Variants in PCDH9 observed in about 807,000 individuals in gnomAD.
PCDH9 encodes the protein protocadherin-9.
A neutral mutation model predicts 70.6 loss-of-function variants in PCDH9; 24 were observed. The ratio of observed to expected loss-of-function variants is 0.34; its 90% confidence interval spans 0.25 to 0.48. The LOEUF (loss-of-function observed/expected upper bound fraction) is 0.48. Ranked by LOEUF, PCDH9 falls within the 20% of genes least tolerant of loss-of-function variation. The pLI, the probability that PCDH9 is intolerant of heterozygous loss-of-function variation, is 0.99. For missense variants in PCDH9, 1,281 were observed against 1,503.6 expected, an observed-to-expected ratio of 0.85 and a Z score of 2.45; for synonymous variants, 562 against 558.5, an observed-to-expected ratio of 1.01 and a Z score of -0.09.
At chr13:66,804,304 A>G (rs1490805026) in intron 3 of PCDH9, among the ~76,000 whole-genome samples, 2 of 152,204 alleles carry the variant, frequency 1.3e-5, no homozygotes, top group African/African-American at 4.8e-5. Context: ...TAATTAGATC[A>G]TAAGAGTGTA....
chr13:66,730,876 G>GTTTTTTTTTTTTTTTTTTTTTTTTTT (rs758928616), intron 3 of PCDH9, among the ~76,000 whole-genome samples: 1 of 46,358 alleles, frequency 2.2e-5, no homozygotes, highest in African/African-American at 7.5e-5. Flanking sequence ...GTGTGTGTGT[G>GTTTTTTTTTTTTTTTTTTTTTTTTTT]TTTTTTTTTT....
At chr13:66,810,403 T>C (rs1369180547) in intron 3 of PCDH9, among the ~76,000 whole-genome samples, 1 of 152,042 alleles carries the variant, frequency 6.6e-6, no homozygotes, top group Non-Finnish European at 1.5e-5. Flanking sequence ...TCTCATTTAT[T>C]AGTTATGAGA....
chr13:66,394,752 G>A (rs772353227), intron 4 of PCDH9, among the ~76,000 whole-genome samples: 12 of 152,162 alleles, frequency 7.9e-5, no homozygotes, highest in Non-Finnish European at 1.3e-4. Flanking sequence ...ATAAAAAGGA[G>A]TGGGTTAGAT....
chr13:66,934,186 A>G (rs565996178), intron 2 of PCDH9, among the ~76,000 whole-genome samples: 2 of 152,216 alleles, frequency 1.3e-5, no homozygotes, highest in South Asian at 4.2e-4. Context: ...GGTTATCTAA[A>G]TAAGTTGATT....
intron 2 of PCDH9, among the ~76,000 whole-genome samples, chr13:67,064,858 A>T (rs2085610765): frequency 2.6e-5 from 4 of 151,952 alleles, no homozygotes; most frequent in Admixed American, 2.6e-4. Flanking sequence ...GTATTTTTGT[A>T]TCTGTGTATG....
chr13:67,015,970 A>G (rs2084552695), intron 2 of PCDH9, among the ~76,000 whole-genome samples: 1 of 152,184 alleles, frequency 6.6e-6, no homozygotes, highest in Non-Finnish European at 1.5e-5. Context: ...CACAATTCCT[A>G]GTAAATATTT....
chr13:67,225,606 C>A lies in PCDH9; in HGVS notation c.2835G>T (p.Gln945His). 1 of 1,614,062 alleles carries A rather than the reference C, an allele frequency of 6.2e-7. No homozygotes were observed. The highest frequency in any genetic ancestry group is 8.5e-7 in the Non-Finnish European group (1 of 1,180,016). ...LAKHYKSASP[Q>H]PAFHLKPDTP... is the part of the protein sequence containing the mutation. ...TGTCTGGTTTGAGATGAAAAGCAGG[C>A]TGTGGAGAAGCAGATTTGTAGTGCT... Residue 945 changes from glutamine (Q) to histidine (H), a missense_variant, in exon 2 of 5, where the codon CAG (glutamine) becomes CAT (histidine). Coordinates refer to ENST00000377865, the MANE Select transcript of PCDH9 (RefSeq NM_203487.3).
chr13:67,167,237 G>A (rs1363403559), intron 2 of PCDH9, among the ~76,000 whole-genome samples: 3 of 152,102 alleles, frequency 2.0e-5, no homozygotes. Context: ...AGGCTACATA[G>A]GCTTTAATCT....
intron 4 of PCDH9, among the ~76,000 whole-genome samples, chr13:66,408,807 A>G (rs975194539): frequency 6.6e-6 from 1 of 152,124 alleles, no homozygotes; most frequent in South Asian, 2.1e-4. Context: ...GGCATTAGGT[A>G]GTAAACATTT....
intron 4 of PCDH9, among the ~76,000 whole-genome samples, chr13:66,490,617 A>G (rs1262495222): frequency 6.6e-6 from 1 of 152,028 alleles, no homozygotes; most frequent in Non-Finnish European, 1.5e-5. Flanking sequence ...TCAATTCGTA[A>G]TGTTTAACTG....
intron 3 of PCDH9, among the ~76,000 whole-genome samples, chr13:66,764,435 A>G (rs187618401): frequency 1.3e-5 from 2 of 152,048 alleles, no homozygotes; most frequent in African/African-American, 2.4e-5. Context: ...AAAACTTTCT[A>G]TATAGATTAT....
intron 2 of PCDH9, among the ~76,000 whole-genome samples, chr13:67,104,014 G>C (rs2086486606): frequency 6.6e-6 from 1 of 152,100 alleles, no homozygotes; most frequent in Admixed American, 6.5e-5. Flanking sequence ...CATATACAAA[G>C]TAAGGCCTTG....
At chr13:66,729,358 C>G (rs1370417342) in intron 3 of PCDH9, among the ~76,000 whole-genome samples, 1 of 152,098 alleles carries the variant, frequency 6.6e-6, no homozygotes, top group Non-Finnish European at 1.5e-5. Context: ...AATAGACAAT[C>G]AAGTACCCTC....
rs997246117 is a variant in PCDH9, at chr13:66,448,904, T to A, written c.3341-143876A>T. On this transcript the variant is annotated intron_variant, in intron 4 of 4. Coordinates refer to ENST00000377865, the MANE Select transcript of PCDH9 (RefSeq NM_203487.3). The stretch of plus-strand genomic sequence containing the variant: ...AAATAATTCTAAGCTGAACAAATGG[T>A]GATCATGCAAACTTAGCCACATTTT... Among the ~76,000 whole-genome samples the A allele has an allele frequency of 2.6e-5, 4 of 152,304 alleles. No homozygotes were observed. In the South Asian group the frequency reaches 8.3e-4, roughly 32 times the overall value.
At chr13:66,978,522 C>T (rs550677465) in intron 2 of PCDH9, 24 of 151,790 alleles carry the variant, frequency 1.6e-4, no homozygotes, top group African/African-American at 5.3e-4. Context: ...TATTATGAGA[C>T]ATTCACATAT....
intron 4 of PCDH9, among the ~76,000 whole-genome samples, chr13:66,410,291 T>TACTA (rs535098672): frequency 2.5e-3 from 385 of 152,212 alleles, no homozygotes; most frequent in Non-Finnish European, 3.8e-3. Flanking sequence ...TAAGGATTAG[T>TACTA]ACCCTAGCAT....
At chr13:66,596,203 A>G (rs2138831700) in intron 4 of PCDH9, among the ~76,000 whole-genome samples, 1 of 151,762 alleles carries the variant, frequency 6.6e-6, no homozygotes, top group South Asian at 2.1e-4. Context: ...TTCATGCACA[A>G]CAAATGATTA....
intron 2 of PCDH9, among the ~76,000 whole-genome samples, chr13:67,110,149 T>G (rs894610988): frequency 6.6e-6 from 1 of 151,788 alleles, no homozygotes; most frequent in African/African-American, 2.4e-5. Context: ...TAATCTAGGT[T>G]TAAGCTCATC....
intron 4 of PCDH9, among the ~76,000 whole-genome samples, chr13:66,545,998 G>C (rs954816618): frequency 6.6e-6 from 1 of 151,452 alleles, no homozygotes; most frequent in African/African-American, 2.4e-5. Context: ...ACCATGTCTG[G>C]CTATTTTTTT....
Sources: allele counts gnomAD v4.1 joint callset (sites outside exome capture counted in the v4.1 genomes callset), GRCh38; gene constraint gnomAD v4.1.1; transcripts MANE v1.5; gene names NCBI Gene and HGNC (gene_info 2026-07-23, HGNC 2026-07-21).